The following VPS54 variants were observed in gnomAD, a reference collection of about 807,000 sequenced individuals.
The protein encoded by VPS54 is vacuolar protein sorting-associated protein 54.
A neutral mutation model predicts 121.5 loss-of-function variants in VPS54; 45 were observed. The ratio of observed to expected loss-of-function variants is 0.37; its 90% CI spans 0.29 to 0.47. The LOEUF (loss-of-function observed/expected upper bound fraction) is 0.47, where lower values mean the gene tolerates loss of function less well. Among genes scored for constraint, VPS54 ranks in the 20% least tolerant of loss-of-function variants. The probability of loss-of-function intolerance (pLI) is 0.99; values close to 1 mark genes in which losing one functional copy is unlikely to be tolerated. For missense variants in VPS54, 1,090 were observed against 1,131.4 expected, an observed-to-expected ratio of 0.96 and a Z score of 0.52; for synonymous variants, 371 against 385.8, an observed-to-expected ratio of 0.96 and a Z score of 0.45.
At chr2:63,965,183 T>C (rs969880077) in intron 6 of VPS54, among the ~76,000 whole-genome samples, 1 of 152,120 alleles carries the variant, frequency 6.6e-6, no homozygotes, top group South Asian at 2.1e-4. Flanking sequence ...CTTATAAAAT[T>C]AGCCAATGTG....
chr2:63,998,338 G>A (rs1253031558), intron 1 of VPS54, among the ~76,000 whole-genome samples: 4 of 152,078 alleles, frequency 2.6e-5, no homozygotes, highest in Admixed American at 2.0e-4. Context: ...ACAGATCACT[G>A]GGTCCTGTTT....
At chr2:63,949,662 TGAGGAG>T (rs71393343) in intron 7 of VPS54, among the ~76,000 whole-genome samples, 1 of 151,844 alleles carries the variant, frequency 6.6e-6, no homozygotes, top group African/African-American at 2.4e-5. Flanking sequence ...TTGAGTAGGC[TGAGGAG>T]GAGGAGGGAG....
rs79952915 is a variant in VPS54 at position 63,910,687 on chromosome 2, T to C, written c.2625+1658A>G. Among the ~76,000 whole-genome samples the C allele has an allele frequency of 5.3e-4, 80 of 152,296 alleles. No individual in the cohort carries two copies. In the East Asian group the frequency reaches 0.013, roughly 25 times the overall value. ...AAAAAGGCAAATTGTTAATAACGAA[T>C]ATAGGTCATGCATACATGGGAAGTT... On this transcript the variant is annotated intron_variant, in intron 20 of 22. Coordinates refer to ENST00000272322, the MANE Select transcript of VPS54 (RefSeq NM_016516.3).
chr2:64,002,850 C>T (rs1677950845), intron 1 of VPS54, among the ~76,000 whole-genome samples: 1 of 152,112 alleles, frequency 6.6e-6, no homozygotes, highest in African/African-American at 2.4e-5. Flanking sequence ...AAGATGAGTC[C>T]CAGTTTCCAA....
At chr2:63,980,999 AAAGT>A (rs937887540) in intron 3 of VPS54, among the ~76,000 whole-genome samples, 2 of 152,116 alleles carry the variant, frequency 1.3e-5, no homozygotes, top group Non-Finnish European at 2.9e-5. Flanking sequence ...AAAAAAGTGC[AAAGT>A]AAGTAAAATA....
intron 1 of VPS54, among the ~76,000 whole-genome samples, chr2:64,005,731 G>A (rs1448087700): frequency 6.6e-6 from 1 of 152,118 alleles, no homozygotes; most frequent in Non-Finnish European, 1.5e-5. Flanking sequence ...CTAGGGTTGG[G>A]GAAGGAGAAG....
chr2:63,941,190 A>G (rs908025057), intron 11 of VPS54, among the ~76,000 whole-genome samples: 12 of 152,130 alleles, frequency 7.9e-5, no homozygotes, highest in Middle Eastern at 3.2e-3. Flanking sequence ...ACTGTTACAC[A>G]TGGTAATTCC....
intron 7 of VPS54, 101 bp from the exon 8 acceptor site, chr2:63,949,264 T>TAC: frequency 8.5e-7 from 1 of 1,171,762 alleles, no homozygotes; most frequent in South Asian, 1.6e-5. Flanking sequence ...CAGTTGACAG[T>TAC]ACCTGTGCAA....
chr2:64,005,529 A>AATC (rs1678103619), intron 1 of VPS54, among the ~76,000 whole-genome samples: 1 of 152,210 alleles, frequency 6.6e-6, no homozygotes, highest in Non-Finnish European at 1.5e-5. Context: ...ATTGGTGACA[A>AATC]AGCTACAGGT....
chr2:63,898,538 T>C (rs1202587868), intron 21 of VPS54, among the ~76,000 whole-genome samples: 4 of 151,960 alleles, frequency 2.6e-5, no homozygotes, highest in South Asian at 2.1e-4. Flanking sequence ...TGAGGTAGCA[T>C]AGGAAAGGAG....
chr2:63,991,978 G>C (rs961262728), intron 1 of VPS54, among the ~76,000 whole-genome samples: 1 of 152,142 alleles, frequency 6.6e-6, no homozygotes, highest in African/African-American at 2.4e-5. Flanking sequence ...GTCCCCACAG[G>C]GGTCACTGGC....
intron 12 of VPS54, among the ~76,000 whole-genome samples, chr2:63,924,877 A>T (rs1476743349): frequency 6.6e-6 from 1 of 152,214 alleles, no homozygotes; most frequent in African/African-American, 2.4e-5. Context: ...ATGGGAAAAA[A>T]ATCTTAACCC....
intron 12 of VPS54, among the ~76,000 whole-genome samples, chr2:63,928,837 A>C (rs1371132372): frequency 9.3e-6 from 1 of 107,396 alleles, no homozygotes; most frequent in Non-Finnish European, 1.7e-5. Context: ...AATGGAAAGC[A>C]AAAAAAAAAA....
intron 9 of VPS54, among the ~76,000 whole-genome samples, chr2:63,944,959 C>T (rs1247365642): frequency 6.6e-6 from 1 of 152,152 alleles, no homozygotes; most frequent in African/African-American, 2.4e-5. Flanking sequence ...TTAGTTCAAC[C>T]ATTGTGGAAG....
At position 63,920,625 on chromosome 2, in the gene VPS54, A is replaced by T; in HGVS notation, c.1872T>A (p.Asp624Glu). Residue 624 changes from aspartate (D) to glutamate (E), a missense_variant and splice_region_variant, in exon 14 of 23, where the codon GAT becomes GAA. Transcript: ENST00000272322. ...TGGAATTTAGCTTCTCAAGAAAACC[A>T]TCCTAAATTTTAATACAAAAATCAT... ...AVKFLMSRAKDGFLEKLNSME... is the reference protein window; with the variant it reads ...AVKFLMSRAKEGFLEKLNSME... The T allele has an allele frequency of 6.8e-7, 1 of 1,479,348 alleles. No homozygotes were observed. The highest frequency in any genetic ancestry group is 2.6e-5 in the East Asian group (1 of 38,898). 91.6% of individuals were successfully genotyped at this position (1,479,348 alleles called of 1,614,324 possible). A position where few individuals can be genotyped will look rare whatever the true frequency, so the allele number is the denominator to read the frequency against.
chr2:63,937,656 G>T lies in VPS54; in HGVS notation c.1399-3643C>A, dbSNP rs1674511433. Among the ~76,000 whole-genome samples the T allele has an allele frequency of 4.6e-5, 7 of 152,150 alleles. No individual in the cohort carries two copies. In the South Asian group the frequency reaches 1.5e-3, roughly 32 times the overall value. On this transcript the variant is annotated intron_variant, in intron 11 of 22. Transcript: ENST00000272322. The stretch of plus-strand genomic sequence containing the variant: ...CCAATTCTGGGGTTGACAAAAATAA[G>T]AACTAAAAGGGGGCCTCAGAGAGAT...
intron 1 of VPS54, among the ~76,000 whole-genome samples, chr2:63,984,609 A>G (rs1286893438): frequency 6.6e-6 from 1 of 150,684 alleles, no homozygotes; most frequent in Admixed American, 6.6e-5. Flanking sequence ...ACTGCTACAT[A>G]GTAATATAAT....
intron 1 of VPS54, 130 bp from the exon 2 acceptor site, chr2:63,984,149 G>T (rs1676932973): frequency 2.2e-5 from 16 of 738,198 alleles, no homozygotes; most frequent in Non-Finnish European, 2.6e-5. Flanking sequence ...TTGAATATTT[G>T]CTCTTAATTG....
chr2:64,016,659 AGT>A (rs1678712585), intron 1 of VPS54, among the ~76,000 whole-genome samples: 1 of 148,888 alleles, frequency 6.7e-6, no homozygotes, highest in Non-Finnish European at 1.5e-5. Context: ...CCCAGCCTGT[AGT>A]GCAGTGGTGC....
Sources: allele counts gnomAD v4.1 joint callset (sites outside exome capture counted in the v4.1 genomes callset), GRCh38; gene constraint gnomAD v4.1.1; transcripts MANE v1.5; gene names NCBI Gene and HGNC (gene_info 2026-07-23, HGNC 2026-07-21).